SDK1: variants seen among roughly 807,000 people sequenced by gnomAD.
SDK1 encodes the protein protein sidekick-1.
A neutral mutation model predicts 245.5 loss-of-function variants in SDK1; 157 were observed. The ratio of observed to expected loss-of-function variants is 0.64; its 90% CI spans 0.56 to 0.73. The LOEUF is 0.73. SDK1 is among the 30% of genes least tolerant of loss of function. The probability of loss-of-function intolerance (pLI) is 0.00; values close to 1 mark genes in which losing one functional copy is unlikely to be tolerated. For missense variants in SDK1, 3,583 were observed against 3,002.3 expected (o/e 1.19, Z -4.52); for synonymous variants, 1,647 against 1,278.5 (o/e 1.29, Z -6.15).
Position 3,853,339 on chromosome 7 carries a change from A to G in SDK1, c.847+31756A>G, listed in dbSNP as rs73674319. Among the ~76,000 whole-genome samples, 1,010 of 152,274 alleles carry G rather than the reference A, an allele frequency of 6.6e-3. 11 individuals are homozygous for G. Among genetic ancestry groups the G allele is most frequent in the African/African-American group, 0.023 (946 of 41,546 alleles). Reference sequence around the variant, plus strand: ...ATCTATTAAGTACCAGCTGCTGGCAATATAGCCATAAACATAACTGTCCTC... The same window carrying G: ...ATCTATTAAGTACCAGCTGCTGGCAGTATAGCCATAAACATAACTGTCCTC... On this transcript the variant is annotated intron_variant, in intron 5 of 44. Transcript: ENST00000404826.
intron 38 of SDK1, among the ~76,000 whole-genome samples, chr7:4,216,094 C>T (rs1239869272): frequency 6.6e-6 from 1 of 152,230 alleles, no homozygotes; most frequent in Non-Finnish European, 1.5e-5. Context: ...CAGCTGCTCT[C>T]TGCCTGCAGG....
intron 1 of SDK1, among the ~76,000 whole-genome samples, chr7:3,523,827 T>G (rs1399974494): frequency 6.6e-6 from 1 of 152,240 alleles, no homozygotes; most frequent in East Asian, 1.9e-4. Context: ...TTGTTCTAAT[T>G]TCATCTTCAC....
intron 16 of SDK1, among the ~76,000 whole-genome samples, chr7:4,013,367 A>G (rs965960845): frequency 6.6e-6 from 1 of 152,248 alleles, no homozygotes; most frequent in Admixed American, 6.5e-5. Context: ...CTTCTAATAG[A>G]TTGCACCACT....
chr7:3,322,027 T>A (rs1359872731), intron 1 of SDK1, among the ~76,000 whole-genome samples: 1 of 149,448 alleles, frequency 6.7e-6, no homozygotes, highest in Admixed American at 6.7e-5. Flanking sequence ...TTTTTTTCAC[T>A]TAGGTGCCAC....
chr7:4,063,778 T>C (rs1332564948), intron 19 of SDK1, among the ~76,000 whole-genome samples: 1 of 152,010 alleles, frequency 6.6e-6, no homozygotes, highest in African/African-American at 2.4e-5. Flanking sequence ...AACAGACACA[T>C]AGACCAATGG....
intron 1 of SDK1, among the ~76,000 whole-genome samples, chr7:3,474,291 T>C (rs1022940586): frequency 1.3e-5 from 2 of 151,710 alleles, no homozygotes; most frequent in African/African-American, 2.4e-5. Flanking sequence ...AGACGGGGTT[T>C]CACCATGTTG....
At chr7:4,223,900 C>T (rs1026902831) in intron 40 of SDK1, among the ~76,000 whole-genome samples, 1 of 152,144 alleles carries the variant, frequency 6.6e-6, no homozygotes, top group Non-Finnish European at 1.5e-5. Context: ...TGTGTCCTTA[C>T]GTTGAAATCA....
intron 35 of SDK1, among the ~76,000 whole-genome samples, chr7:4,199,953 G>C (rs7784211): frequency 0.37 from 55,470 of 151,916 alleles, 10,688 homozygotes; most frequent in Middle Eastern, 0.5. Context: ...AAATTAGCCG[G>C]GTGTGGTGGC....
chr7:3,336,465 G>A (rs1780202723), intron 1 of SDK1, among the ~76,000 whole-genome samples: 1 of 152,134 alleles, frequency 6.6e-6, no homozygotes. Flanking sequence ...GCCACAATGA[G>A]GTGGTGCTAG....
At chr7:4,218,468 C>G (rs904368007) in intron 38 of SDK1, among the ~76,000 whole-genome samples, 5 of 152,162 alleles carry the variant, frequency 3.3e-5, no homozygotes, top group Admixed American at 3.3e-4. Context: ...TGATAAAAGG[C>G]ATAATATATG....
intron 4 of SDK1, among the ~76,000 whole-genome samples, chr7:3,672,796 A>ATATATATATAAAT (rs1554307151): frequency 3.7e-5 from 2 of 53,416 alleles, no homozygotes; most frequent in African/African-American, 1.7e-4. Context: ...TATATATATA[A>ATATATATATAAAT]AAAATACAGA....
chr7:3,504,075 G>A (rs895806892), intron 1 of SDK1, among the ~76,000 whole-genome samples: 1 of 151,452 alleles, frequency 6.6e-6, no homozygotes, highest in African/African-American at 2.4e-5. Context: ...GCTTGAACCC[G>A]GGAGGCAGAG....
At chr7:3,728,757 C>T (rs1045474623) in intron 4 of SDK1, among the ~76,000 whole-genome samples, 2 of 152,130 alleles carry the variant, frequency 1.3e-5, no homozygotes, top group African/African-American at 4.8e-5. Context: ...AGGCATGTGC[C>T]ACCATGCCTG....
At chr7:3,527,843 T>G (rs1046835107) in intron 1 of SDK1, among the ~76,000 whole-genome samples, 3 of 147,038 alleles carry the variant, frequency 2.0e-5, no homozygotes, top group African/African-American at 7.6e-5. Context: ...AGCTAGGGGG[T>G]GAGTGGTGGG....
At chr7:4,086,782 A>C (rs541830801) in intron 22 of SDK1, among the ~76,000 whole-genome samples, 1 of 152,202 alleles carries the variant, frequency 6.6e-6, no homozygotes, top group East Asian at 1.9e-4. Context: ...CAGCGTACTC[A>C]TGGGTTCCAG....
At chr7:3,887,861 T>A (rs6944393) in intron 5 of SDK1, among the ~76,000 whole-genome samples, 43,191 of 152,110 alleles carry the variant, frequency 0.28, 7,166 homozygotes, top group African/African-American at 0.46. Context: ...AATTTCAATA[T>A]TTCTTTCCGC....
chr7:3,314,943 C>T (rs1482120407), intron 1 of SDK1, among the ~76,000 whole-genome samples: 1 of 151,828 alleles, frequency 6.6e-6, no homozygotes, highest in African/African-American at 2.4e-5. Flanking sequence ...TGAATTGTCC[C>T]AAATCAGCCA....
chr7:3,905,713 C>G (rs866529588), intron 5 of SDK1, among the ~76,000 whole-genome samples: 2 of 151,954 alleles, frequency 1.3e-5, no homozygotes, highest in African/African-American at 4.8e-5. Context: ...ACCCCGAACT[C>G]CTGGGTTCAA....
At chr7:3,767,220 G>A (rs1222854993) in intron 4 of SDK1, among the ~76,000 whole-genome samples, 2 of 152,158 alleles carry the variant, frequency 1.3e-5, no homozygotes, top group Non-Finnish European at 2.9e-5. Flanking sequence ...GGGCCCTCAG[G>A]TAGAGTCAGA....
Sources: gnomAD v4.1 joint callset for allele counts (sites outside exome capture counted in the v4.1 genomes callset) on GRCh38, gnomAD v4.1.1 for gene constraint, MANE v1.5 for transcripts, NCBI Gene and HGNC (gene_info 2026-07-23, HGNC 2026-07-21) for gene names.